Variants in MTMR8 observed in about 807,000 individuals in gnomAD.
MTMR8 encodes the protein phosphatidylinositol-3,5-bisphosphate 3-phosphatase MTMR8.
MTMR8 carries 65 observed loss-of-function variants against 39.3 expected under a neutral mutation model. The observed-to-expected ratio is 1.65, with a 90% CI of 1.35 to 2.03. The LOEUF (loss-of-function observed/expected upper bound fraction) is 2.03, where lower values mean the gene tolerates loss of function less well. MTMR8 is among the 30% of genes most tolerant of loss of function. The pLI is 0.00. For synonymous variants in MTMR8, 245 were observed against 185.2 expected, an observed-to-expected ratio of 1.32 and a Z score of -2.62; for missense variants, 777 against 538.9, an observed-to-expected ratio of 1.44 and a Z score of -4.37.
chrX:64,388,350 G>A (rs1169369530), intron 1 of MTMR8, among the ~76,000 whole-genome samples: 2 of 111,884 alleles, frequency 1.8e-5, no homozygotes, highest in Admixed American at 1.9e-4. Context: ...AAAACGGCAG[G>A]CTTTTATGAC....
chrX:64,341,687 C>G (rs1355321395), intron 8 of MTMR8, among the ~76,000 whole-genome samples: 1 of 111,090 alleles, frequency 9.0e-6, no homozygotes, highest in African/African-American at 3.3e-5. Context: ...AGCCACATTT[C>G]AAGTGCTCAA....
chrX:64,322,949 T>G (rs1242479823), intron 12 of MTMR8, among the ~76,000 whole-genome samples: 1 of 112,712 alleles, frequency 8.9e-6, no homozygotes, highest in African/African-American at 3.2e-5. Flanking sequence ...TACTGCCCAG[T>G]GATGTGCACA....
At chrX:64,287,080 A>C (rs995566744) in intron 12 of MTMR8, among the ~76,000 whole-genome samples, 5 of 111,880 alleles carry the variant, frequency 4.5e-5, no homozygotes, top group African/African-American at 1.6e-4. Context: ...TCTCAGCCCA[A>C]AATCTCCTTA....
chrX:64,313,796 C>A (rs1394517321), intron 12 of MTMR8, among the ~76,000 whole-genome samples: 1 of 112,414 alleles, frequency 8.9e-6, no homozygotes, highest in Non-Finnish European at 1.9e-5. Context: ...GTGATTTCAG[C>A]CATCTTAGCC....
intron 4 of MTMR8, among the ~76,000 whole-genome samples, chrX:64,351,804 A>G (rs1468147411): frequency 3.6e-5 from 4 of 111,144 alleles, no homozygotes; most frequent in Non-Finnish European, 5.7e-5. Context: ...AGACTGGAAG[A>G]TTCAGCAAGT....
At chrX:64,383,106 C>G (rs1014662023) in intron 1 of MTMR8, among the ~76,000 whole-genome samples, 21 of 111,302 alleles carry the variant, frequency 1.9e-4, no homozygotes, top group Admixed American at 3.9e-4. Context: ...TCATTTGAGT[C>G]CTTACTACAA....
At chrX:64,332,543 C>T (rs746046448) in intron 10 of MTMR8, among the ~76,000 whole-genome samples, 7 of 112,098 alleles carry the variant, frequency 6.2e-5, no homozygotes, top group African/African-American at 1.9e-4. Context: ...CCTACTGCTG[C>T]TTCTGCTGCT....
intron 12 of MTMR8, among the ~76,000 whole-genome samples, chrX:64,292,437 G>C (rs771958646): frequency 4.5e-5 from 5 of 111,238 alleles, no homozygotes; most frequent in African/African-American, 1.6e-4. Context: ...GCTGTTGGTT[G>C]CTTTTCACCA....
intron 12 of MTMR8, among the ~76,000 whole-genome samples, chrX:64,320,217 G>A (rs1158028634): frequency 9.0e-6 from 1 of 111,073 alleles, no homozygotes; most frequent in African/African-American, 3.3e-5. Context: ...TCTGCTATTG[G>A]TGTACAAGAA....
chrX:64,298,537 G>T (rs1396061317), intron 12 of MTMR8, among the ~76,000 whole-genome samples: 1 of 84,811 alleles, frequency 1.2e-5, no homozygotes, highest in Non-Finnish European at 2.0e-5. Context: ...GGGACAATTT[G>T]ACTTCCTCTT....
chrX:64,365,037 T>C (rs1477886233), intron 1 of MTMR8, among the ~76,000 whole-genome samples: 1 of 109,862 alleles, frequency 9.1e-6, no homozygotes, highest in African/African-American at 3.3e-5. Context: ...ATTGATGAAA[T>C]AAAGTGAGAA....
intron 6 of MTMR8, 77 bp downstream of exon 6, chrX:64,348,583 A>G: frequency 1.8e-6 from 2 of 1,123,924 alleles, no homozygotes. Flanking sequence ...TTTCCCAATA[A>G]CACTGCATGT....
At chrX:64,302,018 TG>T (rs2147201756) in intron 12 of MTMR8, among the ~76,000 whole-genome samples, 2 of 112,620 alleles carry the variant, frequency 1.8e-5, no homozygotes, top group East Asian at 5.6e-4. Context: ...GCTGTCTTTT[TG>T]TTTGTCTGTG....
chrX:64,283,414 C>T (rs1223337562), intron 12 of MTMR8, among the ~76,000 whole-genome samples: 1 of 112,171 alleles, frequency 8.9e-6, no homozygotes, highest in Non-Finnish European at 1.9e-5. Flanking sequence ...TATAGCTGAA[C>T]AAAAGGCAGC....
chrX:64,295,750 C>A, intron 12 of MTMR8, among the ~76,000 whole-genome samples: 1 of 111,098 alleles, frequency 9.0e-6, no homozygotes, highest in Non-Finnish European at 1.9e-5. Flanking sequence ...ATCGAAACCA[C>A]GAGATACTAC....
In MTMR8 at chrX:64,348,725, A is replaced by G. The variant is rs143599638; in HGVS notation, c.667T>C (p.Leu223=). The change falls in exon 6 of 14, where the codon TTG becomes CTG. Residue 223 remains leucine (L), a synonymous_variant. Transcript: ENST00000374852. ...GGGTTTGTTTGGCTAATGGCCTCCAACAAGAGCTCATCATCTACACAGCGA... is the reference window on the plus strand; with the variant it reads ...GGGTTTGTTTGGCTAATGGCCTCCAGCAAGAGCTCATCATCTACACAGCGA... ...YTRCVDDELL[L]EAISQTNPGS... The G allele has an allele frequency of 8.3e-7, 1 of 1,210,836 alleles. No individual in the cohort carries two copies. Among genetic ancestry groups the G allele is most frequent in the African/African-American group, 1.7e-5 (1 of 57,777 alleles).
intron 4 of MTMR8, among the ~76,000 whole-genome samples, chrX:64,351,780 TG>T (rs1923493405): frequency 9.0e-6 from 1 of 111,373 alleles, no homozygotes; most frequent in Admixed American, 9.5e-5. Flanking sequence ...GCATTTAGCA[TG>T]GGAGAAAGAT....
chrX:64,361,782 TCTAA>T (rs1301433305), intron 1 of MTMR8, among the ~76,000 whole-genome samples: 4 of 111,216 alleles, frequency 3.6e-5, no homozygotes, highest in African/African-American at 9.8e-5. Context: ...CAAACTTGAC[TCTAA>T]CTATTACTGC....
chrX:64,269,844 C>T (rs1931719467), intron 13 of MTMR8, among the ~76,000 whole-genome samples: 1 of 111,402 alleles, frequency 9.0e-6, no homozygotes, highest in Non-Finnish European at 1.9e-5. Context: ...TGTTTTTCTG[C>T]TCTGTATTAA....
Sources: gnomAD v4.1 joint callset for allele counts (sites outside exome capture counted in the v4.1 genomes callset) on GRCh38, gnomAD v4.1.1 for gene constraint, MANE v1.5 for transcripts, NCBI Gene and HGNC (gene_info 2026-07-23, HGNC 2026-07-21) for gene names.